The following DPY19L3 variants were observed in gnomAD, a reference collection of about 807,000 sequenced individuals.
DPY19L3 encodes dpy-19 like C-mannosyltransferase 3.
A neutral mutation model predicts 92.3 loss-of-function variants in DPY19L3; 51 were observed. The ratio of observed to expected loss-of-function variants is 0.55; its 90% CI spans 0.44 to 0.70. The LOEUF (loss-of-function observed/expected upper bound fraction) is 0.70, where lower values mean the gene tolerates loss of function less well. DPY19L3 is among the 30% of genes least tolerant of loss of function. The pLI is 0.00. For synonymous variants in DPY19L3, 309 were observed against 315.2 expected, an observed-to-expected ratio of 0.98 and a Z score of 0.21; for missense variants, 706 against 855.9, an observed-to-expected ratio of 0.82 and a Z score of 2.18.
At chr19:32,435,652 G>A (rs1236782833) in intron 4 of DPY19L3, among the ~76,000 whole-genome samples, 1 of 152,206 alleles carries the variant, frequency 6.6e-6, no homozygotes, top group Admixed American at 6.5e-5. Context: ...AAGGCAGTAG[G>A]TGAGAACTAG....
At position 32,408,313 on chromosome 19, in the gene DPY19L3, A is replaced by G. The variant is rs780975144; in HGVS notation, c.60A>G (p.Pro20=). 1.9e-6 allele frequency: 3 copies of G among 1,614,006 alleles called. No individual in the cohort carries two copies. Among genetic ancestry groups the G allele is most frequent in the Non-Finnish European group, 2.5e-6 (3 of 1,180,004 alleles). Residue 20 remains proline, a synonymous_variant, in exon 2 of 19, where the codon CCA becomes CCG. Transcript: ENST00000392250. ...IRATEVSEDF[P]AQEENVKLEN... ...CCACAGAAGTTTCTGAAGACTTTCC[A>G]GCCCAAGAAGAAAATGTGAAGTTGG...
rs147476960 is a variant in DPY19L3, at chr19:32,425,663, G to A, written c.238-7053G>A. ...ATGAAAATAACACAGATAACCAGAT[G>A]CATTATCAATGAGCAGTAGTATTTT... On this transcript the variant is annotated intron_variant, in intron 3 of 18. Coordinates refer to ENST00000392250, the MANE Select transcript of DPY19L3 (RefSeq NM_001172774.2). 8.6e-4 allele frequency among the ~76,000 whole-genome samples: 131 copies of A among 152,232 alleles called. 2 individuals are homozygous for A. The highest frequency in any genetic ancestry group is 7.5e-3 in the East Asian group (39 of 5,190).
At chr19:32,436,950 G>A (rs1159824468) in intron 5 of DPY19L3, among the ~76,000 whole-genome samples, 1 of 151,376 alleles carries the variant, frequency 6.6e-6, no homozygotes, top group Non-Finnish European at 1.5e-5. Flanking sequence ...ACAAAGTTAG[G>A]TATAAAACTT....
At chr19:32,414,415 C>A (rs1167809551) in intron 3 of DPY19L3, among the ~76,000 whole-genome samples, 27 of 138,390 alleles carry the variant, frequency 2.0e-4, no homozygotes, top group African/African-American at 2.7e-4. Flanking sequence ...ACTCTGTCTC[C>A]AAAAAAAAAA....
chr19:32,438,713 A>T (rs1264213279), intron 6 of DPY19L3, among the ~76,000 whole-genome samples: 2 of 152,184 alleles, frequency 1.3e-5, no homozygotes, highest in Non-Finnish European at 2.9e-5. Context: ...AAATACTGTC[A>T]ATGACATATT....
At chr19:32,430,051 A>G (rs1968907416) in intron 3 of DPY19L3, among the ~76,000 whole-genome samples, 1 of 152,230 alleles carries the variant, frequency 6.6e-6, no homozygotes, top group East Asian at 1.9e-4. Flanking sequence ...AAAAAGCTGT[A>G]TCATTATGTA....
Position 32,439,830 on chromosome 19 carries a change from C to T in DPY19L3, c.775C>T (p.Gln259Ter), listed in dbSNP as rs1431224545. The change falls in exon 8 of 19, where the codon CAA becomes TAA. Residue 259 changes from glutamine (Q) to a stop codon, truncating the protein, a stop_gained. Transcript: ENST00000392250. LOFTEE classifies it high-confidence loss of function. ...AACTTTTCTCTTTAGTCTGACATGG[C>T]AATTTAATCAATTTATGATGCTGAT... ...ISTFLFSLTW[Q>*]FNQFMMLMQA... The T allele has an allele frequency of 6.2e-7, 1 of 1,613,792 alleles. No individual in the cohort carries two copies. Among genetic ancestry groups the T allele is most frequent in the Non-Finnish European group, 8.5e-7 (1 of 1,179,852 alleles).
At chr19:32,409,324 T>C (rs1028327598) in intron 2 of DPY19L3, among the ~76,000 whole-genome samples, 1 of 152,248 alleles carries the variant, frequency 6.6e-6, no homozygotes, top group Non-Finnish European at 1.5e-5. Context: ...TTTTGTAGCT[T>C]GCTATTTTTC....
intron 9 of DPY19L3, among the ~76,000 whole-genome samples, chr19:32,454,098 A>C (rs983263539): frequency 7.9e-5 from 12 of 152,214 alleles, no homozygotes; most frequent in Admixed American, 7.9e-4. Context: ...TTTTAACCTT[A>C]ATTATAAATA....
In DPY19L3 at chr19:32,480,763, G is replaced by A. The variant is rs1187509855; in HGVS notation, c.1989+206G>A. 7.8e-6 allele frequency: 5 copies of A among 641,566 alleles called. 1 individual carries two copies. The South Asian group carries it at 8.2e-5, about 10-fold the overall frequency. 39.7% of individuals were successfully genotyped at this position (641,566 alleles called of 1,614,324 possible). A position where few individuals can be genotyped will look rare whatever the true frequency, so the allele number is the denominator to read the frequency against. ...GGGGCTGGGCAAGGGAGAGGTGAGA[G>A]GGGAGCCCTGGGTCCCCAGTGTCAC... On this transcript the variant is annotated intron_variant, in intron 18 of 18. Coordinates refer to ENST00000392250, the MANE Select transcript of DPY19L3 (RefSeq NM_001172774.2).
chr19:32,458,829 G>T (rs915985334), intron 12 of DPY19L3, among the ~76,000 whole-genome samples: 3 of 152,096 alleles, frequency 2.0e-5, no homozygotes, highest in African/African-American at 7.2e-5. Context: ...TACTCTACAG[G>T]ATATTTGAGA....
At chr19:32,444,824 TG>T (rs1434154774) in intron 8 of DPY19L3, among the ~76,000 whole-genome samples, 1 of 152,140 alleles carries the variant, frequency 6.6e-6, no homozygotes, top group African/African-American at 2.4e-5. Context: ...GACTCACGCC[TG>T]TAATCCCAGC....
chr19:32,439,454 CTACCCTTA>C (rs1251142559), intron 7 of DPY19L3, among the ~76,000 whole-genome samples: 1 of 152,166 alleles, frequency 6.6e-6, no homozygotes, highest in Non-Finnish European at 1.5e-5. Flanking sequence ...TCTACATAAT[CTACCCTTA>C]AATAGTTGCA....
chr19:32,466,365 G>A (rs969262725), intron 15 of DPY19L3, among the ~76,000 whole-genome samples: 3 of 152,124 alleles, frequency 2.0e-5, no homozygotes, highest in Non-Finnish European at 4.4e-5. Flanking sequence ...CATTTAACCA[G>A]CCCCCCAGTT....
intron 10 of DPY19L3, 118 bp downstream of exon 10, chr19:32,455,158 T>C: frequency 1.5e-6 from 1 of 687,698 alleles, no homozygotes. Flanking sequence ...GACAGGGTCT[T>C]GCCGTTTCCT....
rs2145454472 is a variant in DPY19L3, at chr19:32,427,408, G to C, written c.238-5308G>C. Among the ~76,000 whole-genome samples, 3 of 152,234 alleles carry C rather than the reference G, an allele frequency of 2.0e-5. No homozygotes were observed. In the South Asian group the frequency reaches 6.2e-4, roughly 32 times the overall value. ...TGATAAGGAAGGCAGTTCTCCTTTG[G>C]CTATAAGCACCAACATCACTCTTTC... On this transcript the variant is annotated intron_variant, in intron 3 of 18. Transcript: ENST00000392250.
At chr19:32,467,792 T>C in intron 15 of DPY19L3, 1 of 980,758 alleles carries the variant, frequency 1.0e-6, no homozygotes, top group Non-Finnish European at 1.2e-6. Flanking sequence ...TAGTCAACTG[T>C]CATTTGATAA....
intron 3 of DPY19L3, among the ~76,000 whole-genome samples, chr19:32,418,845 G>GA (rs1309913379): frequency 6.6e-6 from 1 of 152,144 alleles, no homozygotes; most frequent in African/African-American, 2.4e-5. Flanking sequence ...GTCATACACT[G>GA]AATTTATGCA....
chr19:32,471,963 C>T (rs544138711), intron 16 of DPY19L3, among the ~76,000 whole-genome samples: 24 of 152,084 alleles, frequency 1.6e-4, no homozygotes, highest in Admixed American at 5.9e-4. Context: ...TTCATCGAGC[C>T]CCAGCTGTGT....
Sources: gnomAD v4.1 joint callset for allele counts (sites outside exome capture counted in the v4.1 genomes callset) on GRCh38, gnomAD v4.1.1 for gene constraint, MANE v1.5 for transcripts, NCBI Gene and HGNC (gene_info 2026-07-23, HGNC 2026-07-21) for gene names.